USP9Y: variants seen among roughly 807,000 people sequenced by gnomAD.
USP9Y encodes the protein ubiquitin specific peptidase 9 Y-linked.
In USP9Y, 41 loss-of-function variants were observed where a neutral mutation model predicts 53.1. The ratio of observed to expected loss-of-function variants is 0.77; its 90% confidence interval spans 0.60 to 1.00. USP9Y has a LOEUF of 1.00. USP9Y is among the 50% of genes least tolerant of loss of function. The pLI, the probability that USP9Y is intolerant of heterozygous loss-of-function variation, is 0.00. For synonymous variants in USP9Y, 220 were observed against 173.7 expected, an observed-to-expected ratio of 1.27 and a Z score of -2.09; for missense variants, 567 against 535.8, an observed-to-expected ratio of 1.06 and a Z score of -0.58.
chrY:12,840,298 T>C lies in USP9Y; in HGVS notation c.5772T>C (p.Gly1924=). 2 of 398,419 alleles carry C rather than the reference T, an allele frequency of 5.0e-6. No individual in the cohort carries two copies. ...DDEEMKNQCF[G]GEYMGEVFDH... is the part of the protein sequence containing the mutation. The stretch of plus-strand genomic sequence containing the variant: ...AAGAAATGAAAAATCAGTGTTTTGG[T>C]GGAGAGTACATGGGAGAAGTATTTG... The change falls in exon 36 of 46, where the codon GGT becomes GGC. Residue 1924 remains glycine, a synonymous_variant. Transcript: ENST00000338981.
chrY:12,840,211 G>T lies in USP9Y; in HGVS notation c.5685G>T (p.Gln1895His). ...YIIQRNGKDD[Q>H]TDHWYKFDDG... ...TTCAAAGGAATGGTAAAGATGATCA[G>T]ACAGATCACTGGTATAAATTTGATG... is the stretch of plus-strand genomic sequence containing the variant. Residue 1895 changes from glutamine (Q) to histidine (H), a missense_variant, in exon 36 of 46, where the codon CAG becomes CAT. Gln to His is a conservative substitution (Grantham distance 24, BLOSUM62 0). Transcript: ENST00000338981. The T allele has an allele frequency of 2.5e-6, 1 of 398,566 alleles. No individual in the cohort carries two copies. The highest frequency in any genetic ancestry group is 3.0e-5 in the South Asian group (1 of 33,758).
In USP9Y at chrY:12,860,613, G is replaced by A; in HGVS notation, c.*1197G>A. The A allele has an allele frequency of 3.1e-5, 1 of 32,730 alleles. No homozygotes were observed. Among genetic ancestry groups the A allele is most frequent in the Non-Finnish European group, 7.5e-5 (1 of 13,296 alleles). The allele number at this position is 32,730 out of a possible 400,897, so 8.2% of individuals were successfully genotyped here. ...CCTGCTTATTTAATGTAATTCTAAG[G>A]TACCATTTTAGAAAAAACATTTGTT... On this transcript the variant is annotated 3_prime_UTR_variant, in exon 46 of 46. Transcript: ENST00000338981.
chrY:12,856,806 G>A lies in USP9Y; in HGVS notation c.7395G>A (p.Arg2465=), dbSNP rs1484874595. ...TCTTAGAAAGATCACATAGTGCTAG[G>A]ATGACACTTGCAAAAGCTTGTGAAC... The part of the protein sequence containing the change: ...GYFLERSHSA[R]MTLAKACELC... Residue 2465 remains arginine, a synonymous_variant, in exon 44 of 46, where the codon AGG becomes AGA. Transcript: ENST00000338981. 2.5e-6 allele frequency: 1 copy of A among 395,373 alleles called. No individual in the cohort carries two copies. Among genetic ancestry groups the A allele is most frequent in the Admixed American group, 7.5e-5 (1 of 13,279 alleles).
At chrY:12,838,581 A>G (rs2053557561) in intron 35 of USP9Y, among the ~76,000 whole-genome samples, 8 of 32,529 alleles carry the variant, frequency 2.5e-4, no homozygotes, top group African/African-American at 4.9e-4. Flanking sequence ...TCCTGGTTCA[A>G]GCAATTCTCC....
chrY:12,714,722 G>A, intron 3 of USP9Y, among the ~76,000 whole-genome samples: 1 of 28,930 alleles, frequency 3.5e-5, no homozygotes, highest in Non-Finnish European at 8.0e-5. Context: ...CCAAAGTGCT[G>A]GCATTACAGG....
intron 38 of USP9Y, 71 bp downstream of exon 38, chrY:12,842,536 A>G (rs2053563018): frequency 4.4e-6 from 1 of 229,693 alleles, no homozygotes; most frequent in Non-Finnish European, 7.0e-6. Context: ...CTGCAAATTC[A>G]TATTAGCAAA....
Position 12,784,721 on chromosome Y carries a change from A to G in USP9Y, c.3152-1482A>G, listed in dbSNP as rs539456683. ...CACTTCCAGATTCAGCAACTGTTAAAATGTTGTCACACCTGCTGTATCATT... is the reference window on the plus strand; with the variant it reads ...CACTTCCAGATTCAGCAACTGTTAAGATGTTGTCACACCTGCTGTATCATT... On this transcript the variant is annotated intron_variant, in intron 22 of 45. Transcript: ENST00000338981. Among the ~76,000 whole-genome samples the G allele has an allele frequency of 2.7e-4, 9 of 33,436 alleles. No homozygotes were observed. In the South Asian group the frequency reaches 5.9e-3, roughly 22 times the overall value. The allele number at this position is 33,436 out of a possible 37,273, so 89.7% of individuals were successfully genotyped here.
intron 27 of USP9Y, among the ~76,000 whole-genome samples, chrY:12,796,468 G>A (rs1009959139): frequency 1.9e-4 from 6 of 30,875 alleles, no homozygotes; most frequent in Non-Finnish European, 4.7e-4. Context: ...AGGCTGAGAC[G>A]GGAGATTGTT....
chrY:12,724,519 T>G (rs752672862), intron 5 of USP9Y, among the ~76,000 whole-genome samples: 35 of 33,896 alleles, frequency 1.0e-3, no homozygotes, highest in African/African-American at 3.8e-3. Flanking sequence ...AAGTGGAGAT[T>G]GCAGTGAGCT....
intron 27 of USP9Y, among the ~76,000 whole-genome samples, chrY:12,808,153 C>G: frequency 5.8e-5 from 2 of 34,274 alleles, no homozygotes; most frequent in Admixed American, 5.2e-4. Context: ...AAAGAAAGAT[C>G]TCTCCAGCTT....
At chrY:12,704,249 A>T in intron 1 of USP9Y, among the ~76,000 whole-genome samples, 3 of 33,406 alleles carry the variant, frequency 9.0e-5, no homozygotes, top group East Asian at 7.7e-4. Context: ...CAAGATAAAG[A>T]TCATGTGGTT....
At chrY:12,725,374 A>C in intron 6 of USP9Y, 149 bp downstream of exon 6, 1 of 137,017 alleles carries the variant, frequency 7.3e-6, no homozygotes, top group Non-Finnish European at 1.4e-5. Context: ...GTCTTTAAGA[A>C]TGAGCTTGCG....
intron 42 of USP9Y, among the ~76,000 whole-genome samples, chrY:12,847,632 C>T (rs1603203964): frequency 7.2e-5 from 2 of 27,686 alleles, no homozygotes; most frequent in East Asian, 1.8e-3. Flanking sequence ...CACCCCCGCC[C>T]CCACCCCCCG....
intron 7 of USP9Y, among the ~76,000 whole-genome samples, chrY:12,734,398 G>C (rs2053449722): frequency 3.0e-5 from 1 of 33,611 alleles, no homozygotes; most frequent in Non-Finnish European, 7.4e-5. Context: ...ACACAAAATT[G>C]CCTGTTCCCT....
intron 15 of USP9Y, among the ~76,000 whole-genome samples, chrY:12,770,123 A>T (rs1013040148): frequency 3.0e-5 from 1 of 33,519 alleles, no homozygotes; most frequent in East Asian, 8.1e-4. Context: ...TTTAAAATGT[A>T]TTTACAGGTC....
At chrY:12,856,895 G>C (rs1603204491) in intron 44 of USP9Y, 50 bp downstream of exon 44, 2 of 302,790 alleles carry the variant, frequency 6.6e-6, no homozygotes, top group East Asian at 1.0e-4. Flanking sequence ...ATGGGAAAAA[G>C]AAAAGTATTT....
chrY:12,789,700 C>T (rs34790845), intron 24 of USP9Y, among the ~76,000 whole-genome samples: 69 of 33,674 alleles, frequency 2.0e-3, no homozygotes, highest in Non-Finnish European at 4.1e-3. Context: ...ATAGGTTAAG[C>T]TGCGAGAAGC....
chrY:12,720,993 A>T, intron 4 of USP9Y: 1 of 103,757 alleles, frequency 9.6e-6, no homozygotes, highest in Non-Finnish European at 1.9e-5. Context: ...CAGATTAATG[A>T]TGCTTTATGA....
At chrY:12,718,690 A>C in intron 3 of USP9Y, among the ~76,000 whole-genome samples, 1 of 32,964 alleles carries the variant, frequency 3.0e-5, no homozygotes, top group Non-Finnish European at 7.4e-5. Flanking sequence ...GGGTCTCCCT[A>C]TGTTGTCCAG....
Sources: gnomAD v4.1 joint callset for allele counts (sites outside exome capture counted in the v4.1 genomes callset) on GRCh38, gnomAD v4.1.1 for gene constraint, MANE v1.5 for transcripts, NCBI Gene and HGNC (gene_info 2026-07-23, HGNC 2026-07-21) for gene names.